Variants in EPHA6 observed in about 807,000 individuals in gnomAD.
EPHA6 encodes the protein EPH receptor A6, also known as ephrin type-A receptor 6.
Under a neutral mutation model 112.0 loss-of-function variants are expected in EPHA6, and 50 were observed. That is an observed-to-expected ratio of 0.45 (90% CI 0.36 to 0.56). The LOEUF is 0.56. EPHA6 is among the 20% of genes least tolerant of loss of function. The probability of loss-of-function intolerance (pLI) is 0.00; values close to 1 mark genes in which losing one functional copy is unlikely to be tolerated. For synonymous variants in EPHA6, 529 were observed against 490.7 expected, an observed-to-expected ratio of 1.08 and a Z score of -1.03; for missense variants, 1,280 against 1,417.4, an observed-to-expected ratio of 0.90 and a Z score of 1.56.
At chr3:97,209,378 C>T (rs2077803484) in intron 3 of EPHA6, among the ~76,000 whole-genome samples, 1 of 152,054 alleles carries the variant, frequency 6.6e-6, no homozygotes, top group Non-Finnish European at 1.5e-5. Flanking sequence ...GAATCAGAGA[C>T]ACCTGGCTTC....
chr3:97,687,006 T>G (rs1394256405), intron 14 of EPHA6, among the ~76,000 whole-genome samples: 1 of 152,222 alleles, frequency 6.6e-6, no homozygotes. Flanking sequence ...AAGTCTTACT[T>G]GCACTTCACC....
chr3:96,837,666 A>G (rs1164832101), intron 1 of EPHA6, among the ~76,000 whole-genome samples: 1 of 152,102 alleles, frequency 6.6e-6, no homozygotes, highest in Non-Finnish European at 1.5e-5. Flanking sequence ...CCTTTAAATA[A>G]TAGCTCATTT....
chr3:97,539,983 G>T (rs554163190), intron 11 of EPHA6, among the ~76,000 whole-genome samples: 2 of 152,158 alleles, frequency 1.3e-5, no homozygotes, highest in Non-Finnish European at 2.9e-5. Context: ...GCCCCAAAAA[G>T]CACTGTTATT....
At chr3:97,556,396 C>T (rs2093110040) in intron 11 of EPHA6, among the ~76,000 whole-genome samples, 1 of 152,038 alleles carries the variant, frequency 6.6e-6, no homozygotes, top group South Asian at 2.1e-4. Flanking sequence ...TAATTCACAG[C>T]TCAGCATGGC....
At chr3:97,456,581 T>C (rs2090694376) in intron 7 of EPHA6, among the ~76,000 whole-genome samples, 1 of 152,144 alleles carries the variant, frequency 6.6e-6, no homozygotes, top group Non-Finnish European at 1.5e-5. Flanking sequence ...TTAGTCTACT[T>C]ATATATTTTT....
At chr3:96,868,433 T>G (rs1407184480) in intron 2 of EPHA6, among the ~76,000 whole-genome samples, 1 of 151,732 alleles carries the variant, frequency 6.6e-6, no homozygotes, top group Non-Finnish European at 1.5e-5. Context: ...ATAATCTAGG[T>G]ATCAATATAG....
At chr3:97,529,164 C>G (rs1458981288) in intron 10 of EPHA6, among the ~76,000 whole-genome samples, 10 of 152,084 alleles carry the variant, frequency 6.6e-5, no homozygotes, top group Non-Finnish European at 1.2e-4. Context: ...ACAGCTCAGA[C>G]AGCAGAGAAT....
intron 2 of EPHA6, among the ~76,000 whole-genome samples, chr3:96,914,978 C>T (rs1044308657): frequency 6.7e-6 from 1 of 149,596 alleles, no homozygotes; most frequent in Non-Finnish European, 1.5e-5. Flanking sequence ...TTAATTAAAT[C>T]TTTTGTCAGT....
intron 2 of EPHA6, among the ~76,000 whole-genome samples, chr3:96,932,282 G>A (rs1020712528): frequency 6.6e-6 from 1 of 152,140 alleles, no homozygotes; most frequent in African/African-American, 2.4e-5. Context: ...GTGGACTGCA[G>A]CTGCTTTTAA....
chr3:97,662,113 G>T (rs2094173870), intron 14 of EPHA6, among the ~76,000 whole-genome samples: 1 of 152,048 alleles, frequency 6.6e-6, no homozygotes, highest in Non-Finnish European at 1.5e-5. Flanking sequence ...TTAGCAGTAT[G>T]TCAAAACTAA....
intron 6 of EPHA6, among the ~76,000 whole-genome samples, chr3:97,420,438 A>G: frequency 6.6e-6 from 1 of 152,140 alleles, no homozygotes; most frequent in East Asian, 1.9e-4. Context: ...ATTACATGTG[A>G]AAACTTACAC....
chr3:97,207,352 A>G (rs966576443), intron 3 of EPHA6, among the ~76,000 whole-genome samples: 12 of 152,166 alleles, frequency 7.9e-5, no homozygotes, highest in Non-Finnish European at 1.3e-4. Context: ...TAATACAAAG[A>G]TAGTTTATTC....
intron 2 of EPHA6, among the ~76,000 whole-genome samples, chr3:96,877,277 C>G (rs534086277): frequency 5.5e-4 from 83 of 152,092 alleles, no homozygotes; most frequent in Middle Eastern, 3.4e-3. Flanking sequence ...CATTTGCTCT[C>G]ATTTTTTGTA....
At chr3:97,009,063 G>T (rs898886985) in intron 3 of EPHA6, among the ~76,000 whole-genome samples, 1 of 152,094 alleles carries the variant, frequency 6.6e-6, no homozygotes, top group African/African-American at 2.4e-5. Context: ...GATCACTCCT[G>T]TATAGGGTGT....
chr3:97,093,222 A>G (rs1296421935), intron 3 of EPHA6, among the ~76,000 whole-genome samples: 1 of 152,154 alleles, frequency 6.6e-6, no homozygotes, highest in Non-Finnish European at 1.5e-5. Context: ...TGACTTTAAA[A>G]ACTGAAATTC....
chr3:97,726,324 A>T (rs1487257709), intron 15 of EPHA6, among the ~76,000 whole-genome samples: 1 of 152,112 alleles, frequency 6.6e-6, no homozygotes, highest in Admixed American at 6.5e-5. Context: ...CCACAGTTCT[A>T]CAAAATGAGA....
chr3:97,316,293 G>A (rs1054418617), intron 5 of EPHA6, among the ~76,000 whole-genome samples: 2 of 151,620 alleles, frequency 1.3e-5, no homozygotes, highest in African/African-American at 4.8e-5. Context: ...AATAATATTG[G>A]CAATTGGCAA....
rs1339544683 is a variant in EPHA6, at chr3:97,759,519, A to G, written c.*10818A>G. 2 of 230,648 alleles carry G rather than the reference A, an allele frequency of 8.7e-6. No individual in the cohort carries two copies. Among genetic ancestry groups the G allele is most frequent in the Non-Finnish European group, 1.7e-5 (2 of 116,420 alleles). 14.3% of individuals were successfully genotyped at this position (230,648 alleles called of 1,614,324 possible). A position where few individuals can be genotyped will look rare whatever the true frequency, so the allele number is the denominator to read the frequency against. On this transcript the variant is annotated 3_prime_UTR_variant, in exon 18 of 18. Coordinates refer to ENST00000389672, the MANE Select transcript of EPHA6 (RefSeq NM_001080448.3). ...CTTGGCAGACAGGGGAAAACTGATTATGCAAGAGAGATGATAATTGTAACA... is the reference window on the plus strand; with the variant it reads ...CTTGGCAGACAGGGGAAAACTGATTGTGCAAGAGAGATGATAATTGTAACA...
At chr3:97,441,540 A>G in intron 6 of EPHA6, 1 of 614,518 alleles carries the variant, frequency 1.6e-6, no homozygotes, top group Non-Finnish European at 2.0e-6. Context: ...AAGAAAAGAA[A>G]AAGTTTCTGT....
Sources: gnomAD v4.1 joint callset for allele counts (sites outside exome capture counted in the v4.1 genomes callset) on GRCh38, gnomAD v4.1.1 for gene constraint, MANE v1.5 for transcripts, NCBI Gene and HGNC (gene_info 2026-07-23, HGNC 2026-07-21) for gene names.